Variants in FANCL observed in about 807,000 individuals in gnomAD.
FANCL encodes FA complementation group L, also known as E3 ubiquitin-protein ligase FANCL.
A neutral mutation model predicts 59.4 loss-of-function variants in FANCL; 69 were observed. The ratio of observed to expected loss-of-function variants is 1.16; its 90% CI spans 0.96 to 1.42. The LOEUF is 1.42. FANCL is among the 40% of genes most tolerant of loss of function. The probability of loss-of-function intolerance (pLI) is 0.00; values close to 1 mark genes in which losing one functional copy is unlikely to be tolerated. For synonymous variants in FANCL, 180 were observed against 147.1 expected (o/e 1.22, Z -1.62); for missense variants, 519 against 447.2 (o/e 1.16, Z -1.45).
At chr2:58,214,862 T>C (rs1417767418) in intron 5 of FANCL, among the ~76,000 whole-genome samples, 2 of 151,996 alleles carry the variant, frequency 1.3e-5, no homozygotes, top group African/African-American at 2.4e-5. Flanking sequence ...CTTTACATTA[T>C]AGGAAGTCCA....
chr2:58,161,864 A>G (rs1020066558), intron 11 of FANCL, among the ~76,000 whole-genome samples: 1 of 151,952 alleles, frequency 6.6e-6, no homozygotes, highest in Non-Finnish European at 1.5e-5. Flanking sequence ...TTAAAACACA[A>G]GGTAAGATCA....
intron 7 of FANCL, among the ~76,000 whole-genome samples, chr2:58,182,842 T>C (rs1352519911): frequency 1.3e-5 from 2 of 151,604 alleles, no homozygotes; most frequent in South Asian, 2.1e-4. Flanking sequence ...GAAGATGCAA[T>C]AGAGTATGCT....
At chr2:58,169,300 A>T (rs1452173202) in intron 7 of FANCL, among the ~76,000 whole-genome samples, 1 of 152,194 alleles carries the variant, frequency 6.6e-6, no homozygotes, top group Non-Finnish European at 1.5e-5. Context: ...AATCCAGCAG[A>T]CCTGCAGCAG....
intron 7 of FANCL, among the ~76,000 whole-genome samples, chr2:58,185,337 T>C (rs848280): frequency 0.72 from 109,474 of 152,004 alleles, 40,523 homozygotes; most frequent in African/African-American, 0.9. Flanking sequence ...TATACGGGCT[T>C]GTCCATGAAA....
chr2:58,192,373 C>T (rs1227486757), intron 7 of FANCL, among the ~76,000 whole-genome samples: 4 of 151,974 alleles, frequency 2.6e-5, no homozygotes, highest in Admixed American at 2.0e-4. Context: ...AACACATTTA[C>T]TTAAGAAATA....
At chr2:58,212,960 T>C (rs1691329112) in intron 5 of FANCL, among the ~76,000 whole-genome samples, 1 of 152,238 alleles carries the variant, frequency 6.6e-6, no homozygotes, top group Non-Finnish European at 1.5e-5. Context: ...TAAATATTTC[T>C]TTTTCTTTTC....
At chr2:58,180,677 G>A (rs1173600900) in intron 7 of FANCL, among the ~76,000 whole-genome samples, 2 of 151,962 alleles carry the variant, frequency 1.3e-5, no homozygotes, top group African/African-American at 4.8e-5. Context: ...TGCACGTTCT[G>A]CACATGTATA....
chr2:58,241,295 T>A lies in FANCL; in HGVS notation c.19A>T (p.Ser7Cys). 1 of 1,614,206 alleles carries A rather than the reference T, an allele frequency of 6.2e-7. No individual in the cohort carries two copies. The highest frequency in any genetic ancestry group is 8.5e-7 in the Non-Finnish European group (1 of 1,180,026). The change falls in exon 1 of 14, where the codon AGC becomes TGC. Residue 7 changes from serine (S) to cysteine (C), a missense_variant. Transcript: ENST00000233741. MAVTEASLLRQCPLLLP... is the reference protein window; with the variant it reads MAVTEACLLRQCPLLLP... The stretch of plus-strand genomic sequence containing the variant: ...AGCAGGGGGCACTGGCGCAACAGGC[T>A]CGCTTCCGTCACCGCCATGGCTCGA...
chr2:58,188,190 T>C (rs938746996), intron 7 of FANCL, among the ~76,000 whole-genome samples: 11 of 152,198 alleles, frequency 7.2e-5, no homozygotes, highest in African/African-American at 1.9e-4. Context: ...ACTATCTTTG[T>C]ACCTTCGTTG....
chr2:58,171,672 G>A (rs1234658384), intron 7 of FANCL, among the ~76,000 whole-genome samples: 10 of 152,236 alleles, frequency 6.6e-5, no homozygotes, highest in African/African-American at 2.2e-4. Flanking sequence ...CTCCCAGGGT[G>A]AGCGACGCAG....
At chr2:58,180,118 T>C (rs1001084065) in intron 7 of FANCL, among the ~76,000 whole-genome samples, 2 of 152,166 alleles carry the variant, frequency 1.3e-5, no homozygotes, top group African/African-American at 4.8e-5. Context: ...TTTGACACTG[T>C]TGGTCGAAGT....
intron 1 of FANCL, among the ~76,000 whole-genome samples, chr2:58,240,449 T>G (rs1272487318): frequency 1.3e-5 from 2 of 152,242 alleles, no homozygotes; most frequent in African/African-American, 4.8e-5. Flanking sequence ...TCACACAGCC[T>G]GCGTTTAAGG....
chr2:58,191,633 TGTCTTTAAA>T (rs1573644992), intron 7 of FANCL, among the ~76,000 whole-genome samples: 1 of 151,938 alleles, frequency 6.6e-6, no homozygotes, highest in Non-Finnish European at 1.5e-5. Context: ...AATAAAATGC[TGTCTTTAAA>T]GTCTTTAACA....
At chr2:58,221,827 T>C (rs568800792) in intron 5 of FANCL, 115 bp downstream of exon 5, 7 of 711,710 alleles carry the variant, frequency 9.8e-6, no homozygotes, top group East Asian at 2.8e-5. Context: ...TCAAATACTC[T>C]AGTTACAATT....
chr2:58,218,617 G>GT (rs1573761452), intron 5 of FANCL, among the ~76,000 whole-genome samples: 1 of 147,044 alleles, frequency 6.8e-6, no homozygotes, highest in East Asian at 2.0e-4. Context: ...GCCTATAAAG[G>GT]CAAAAAAAAA....
At chr2:58,186,349 T>C (rs1314249840) in intron 7 of FANCL, among the ~76,000 whole-genome samples, 1 of 152,152 alleles carries the variant, frequency 6.6e-6, no homozygotes, top group African/African-American at 2.4e-5. Flanking sequence ...TCTTCATCTG[T>C]AGCATACAAC....
At position 58,162,933 on chromosome 2, in the gene FANCL, C is replaced by G. The variant is rs1428184943; in HGVS notation, c.836G>C (p.Ser279Thr). Residue 279 changes from serine to threonine, a missense_variant, in exon 11 of 14, where the codon AGT becomes ACT. Physicochemically the swap from Ser to Thr is moderately conservative, Grantham distance 58. Transcript: ENST00000233741. ...AACATCTTTCAAATTTTGTAACACA[C>G]TATTTTCTGGATCCCTGAAAGCATG... ...RNIHLWDPEN[S>T]VLQNLKDVLE... The G allele has an allele frequency of 2.5e-6, 4 of 1,612,950 alleles. No individual in the cohort carries two copies. The highest frequency in any genetic ancestry group is 1.7e-6 in the Non-Finnish European group (2 of 1,179,204).
chr2:58,171,719 G>A (rs36000054), intron 7 of FANCL, among the ~76,000 whole-genome samples: 12,461 of 152,234 alleles, frequency 0.082, 539 homozygotes, highest in Admixed American at 0.086. Flanking sequence ...CTGAGGTACC[G>A]GGTTCATCTC....
At chr2:58,187,306 A>G (rs913105030) in intron 7 of FANCL, among the ~76,000 whole-genome samples, 1 of 151,940 alleles carries the variant, frequency 6.6e-6, no homozygotes, top group Non-Finnish European at 1.5e-5. Flanking sequence ...TCAGCAAACT[A>G]TCGCAAGCAC....
Sources: allele counts gnomAD v4.1 joint callset (sites outside exome capture counted in the v4.1 genomes callset), GRCh38; gene constraint gnomAD v4.1.1; transcripts MANE v1.5; gene names NCBI Gene and HGNC (gene_info 2026-07-23, HGNC 2026-07-21).